CHST3: variants seen among roughly 807,000 people sequenced by gnomAD.
The protein encoded by CHST3 is C6ST-1.
Under a neutral mutation model 35.4 loss-of-function variants are expected in CHST3, and 20 were observed. That is an observed-to-expected ratio of 0.57 (90% CI 0.40 to 0.82). The LOEUF is 0.82. Among genes scored for constraint, CHST3 ranks in the 40% least tolerant of loss-of-function variants. The probability of loss-of-function intolerance (pLI) is 0.00; values close to 1 mark genes in which losing one functional copy is unlikely to be tolerated. For missense variants in CHST3, 693 were observed against 670.1 expected (o/e 1.03, Z -0.38); for synonymous variants, 334 against 295.9 (o/e 1.13, Z -1.32).
chr10:71,969,421 G>A (rs1323781838), intron 1 of CHST3, among the ~76,000 whole-genome samples: 1 of 152,216 alleles, frequency 6.6e-6, no homozygotes, highest in Non-Finnish European at 1.5e-5. Context: ...TGCTGGGGCA[G>A]GGTCCTCACT....
At chr10:71,992,337 C>A (rs1205818988) in intron 1 of CHST3, among the ~76,000 whole-genome samples, 1 of 152,080 alleles carries the variant, frequency 6.6e-6, no homozygotes, top group Non-Finnish European at 1.5e-5. Flanking sequence ...GTCACCACAC[C>A]CAGCCTATGT....
chr10:71,979,935 G>A (rs1839784780), intron 1 of CHST3, among the ~76,000 whole-genome samples: 2 of 152,138 alleles, frequency 1.3e-5, no homozygotes, highest in African/African-American at 4.8e-5. Flanking sequence ...ATAAGCACAG[G>A]GAAAATGCAC....
At position 71,988,157 on chromosome 10, in the gene CHST3, C is replaced by T. The variant is rs145208845; in HGVS notation, c.-107-17579C>T. On this transcript the variant is annotated intron_variant, in intron 1 of 2. Coordinates refer to ENST00000373115, the MANE Select transcript of CHST3 (RefSeq NM_004273.5). Reference sequence around the variant, plus strand: ...CTCCAAACCCCACAAATGAGCACAGCGTTTTGTAATAATGAGCATGACCAA... The same window carrying T: ...CTCCAAACCCCACAAATGAGCACAGTGTTTTGTAATAATGAGCATGACCAA... Among the ~76,000 whole-genome samples the T allele has an allele frequency of 3.7e-3, 568 of 152,182 alleles. 2 individuals carry two copies. The highest frequency in any genetic ancestry group is 0.013 in the African/African-American group (526 of 41,498).
At chr10:71,991,802 C>T (rs1475032906) in intron 1 of CHST3, among the ~76,000 whole-genome samples, 2 of 151,994 alleles carry the variant, frequency 1.3e-5, no homozygotes, top group Non-Finnish European at 2.9e-5. Context: ...GGCATGGTGG[C>T]AGGCACCTGT....
In CHST3 at chr10:71,976,559, C is replaced by T. The variant is rs149377213; in HGVS notation, c.-108+11865C>T. 2.7e-3 allele frequency among the ~76,000 whole-genome samples: 409 copies of T among 152,310 alleles called. 2 individuals are homozygous for T. Among genetic ancestry groups the T allele is most frequent in the African/African-American group, 9.4e-3 (392 of 41,554 alleles). On this transcript the variant is annotated intron_variant, in intron 1 of 2. Coordinates refer to ENST00000373115, the MANE Select transcript of CHST3 (RefSeq NM_004273.5). ...TTCAGGGGTGGCCATTCCTCCCCTC[C>T]AGGAGAGAGAGAACTCAAACCAGTA...
chr10:71,998,630 G>A (rs992943177), intron 1 of CHST3, among the ~76,000 whole-genome samples: 23 of 152,180 alleles, frequency 1.5e-4, no homozygotes, highest in African/African-American at 5.3e-4. Flanking sequence ...CCTGGCTAGG[G>A]CTGGCTCAGA....
intron 1 of CHST3, among the ~76,000 whole-genome samples, chr10:71,973,073 C>G (rs1839711131): frequency 6.6e-6 from 1 of 152,220 alleles, no homozygotes; most frequent in African/African-American, 2.4e-5. Flanking sequence ...GCACAGAGCC[C>G]TCAGTGGGGC....
intron 1 of CHST3, among the ~76,000 whole-genome samples, chr10:71,984,423 ACT>A (rs1484505344): frequency 2.6e-5 from 4 of 152,042 alleles, no homozygotes; most frequent in Non-Finnish European, 4.4e-5. Flanking sequence ...GTTTTGTCTA[ACT>A]CTGTGTTCAA....
intron 1 of CHST3, among the ~76,000 whole-genome samples, chr10:71,983,714 G>A (rs1265148370): frequency 6.6e-6 from 1 of 152,152 alleles, no homozygotes; most frequent in Non-Finnish European, 1.5e-5. Context: ...GCCTCCCAAA[G>A]TGCTGGGATT....
chr10:71,971,132 T>A (rs1589496188), intron 1 of CHST3, among the ~76,000 whole-genome samples: 1 of 151,960 alleles, frequency 6.6e-6, no homozygotes, highest in Non-Finnish European at 1.5e-5. Flanking sequence ...CAGCGGAGGG[T>A]CCTCACCTTG....
chr10:71,977,320 A>G lies in CHST3; in HGVS notation c.-108+12626A>G, dbSNP rs557898014. On this transcript the variant is annotated intron_variant, in intron 1 of 2. Transcript: ENST00000373115. ...CTGGCCTCCCAGCTGCCCCTTCAAC[A>G]TTGTCCCCTCTTGTCTTGCAGGGCA... 8.5e-5 allele frequency among the ~76,000 whole-genome samples: 13 copies of G among 152,114 alleles called. No homozygotes were observed. In the East Asian group the frequency reaches 2.3e-3, roughly 27 times the overall value.
At position 72,013,344 on chromosome 10, in the gene CHST3, C is replaced by T. The variant is rs1029794928; in HGVS notation, c.*4873C>T. 28 of 152,236 alleles carry T rather than the reference C, an allele frequency of 1.8e-4. No individual in the cohort carries two copies. The highest frequency in any genetic ancestry group is 6.5e-4 in the African/African-American group (27 of 41,458). The allele number at this position is 152,236 out of a possible 1,614,324, so 9.4% of individuals were successfully genotyped here. ...TTCTGCTCAGCCTCTGGCGCCGTTC[C>T]ACATTGCTCCCAGCCCCATTGCTGT... On this transcript the variant is annotated 3_prime_UTR_variant, in exon 3 of 3. Coordinates refer to ENST00000373115, the MANE Select transcript of CHST3 (RefSeq NM_004273.5).
Position 71,985,865 on chromosome 10 carries a change from C to T in CHST3, c.-107-19871C>T, listed in dbSNP as rs1057505042. Among the ~76,000 whole-genome samples the T allele has an allele frequency of 2.0e-5, 3 of 152,144 alleles. No homozygotes were observed. In the South Asian group the frequency reaches 6.2e-4, roughly 32 times the overall value. On this transcript the variant is annotated intron_variant, in intron 1 of 2. Transcript: ENST00000373115. ...CCTGTGGTGCCCTTTTATAACTACA[C>T]TCACTTCCCTCCTGCCCCCACCCCT...
At chr10:71,986,715 TG>T (rs57818682) in intron 1 of CHST3, among the ~76,000 whole-genome samples, 152,249 of 152,280 alleles carry the variant, frequency 1, 76,109 homozygotes, top group Middle Eastern at 1. Context: ...AGAGATCGCC[TG>T]GGGCTGGTTC....
rs1375239350 is a variant in CHST3 at position 71,971,523 on chromosome 10, T to G, written c.-108+6829T>G. Reference sequence around the variant, plus strand: ...CCCCAGCCCACACAGCTACCTGAGATTTAGCCCTGGGCATCTCCCCTACCC... The same window carrying G: ...CCCCAGCCCACACAGCTACCTGAGAGTTAGCCCTGGGCATCTCCCCTACCC... On this transcript the variant is annotated intron_variant, in intron 1 of 2. Transcript: ENST00000373115. Among the ~76,000 whole-genome samples, 4 of 152,276 alleles carry G rather than the reference T, an allele frequency of 2.6e-5. No homozygotes were observed. The East Asian group carries it at 7.7e-4, about 29-fold the overall frequency.
intron 1 of CHST3, among the ~76,000 whole-genome samples, chr10:71,971,748 G>A (rs546950645): frequency 1.4e-4 from 22 of 152,336 alleles, no homozygotes; most frequent in African/African-American, 5.1e-4. Flanking sequence ...GGGCAGGGCC[G>A]CAGGTGCCTG....
At chr10:71,967,049 G>C (rs1230269541) in intron 1 of CHST3, among the ~76,000 whole-genome samples, 1 of 152,170 alleles carries the variant, frequency 6.6e-6, no homozygotes, top group East Asian at 1.9e-4. Flanking sequence ...GCTCAGGCAG[G>C]AGTGCAGTGG....
At position 72,005,820 on chromosome 10, in the gene CHST3, C is replaced by T. The variant is rs751123835; in HGVS notation, c.-23C>T. The T allele has an allele frequency of 2.5e-6, 4 of 1,614,034 alleles. No individual in the cohort carries two copies. The highest frequency in any genetic ancestry group is 2.2e-5 in the East Asian group (1 of 44,884). On this transcript the variant is annotated 5_prime_UTR_variant, in exon 2 of 3. Coordinates refer to ENST00000373115, the MANE Select transcript of CHST3 (RefSeq NM_004273.5). The stretch of plus-strand genomic sequence containing the variant: ...GAGTGTCCAAGGCTGGCCCGAGGAG[C>T]CCCCACGGCCCCACCTTTCCCCATG...
intron 1 of CHST3, among the ~76,000 whole-genome samples, chr10:71,986,219 A>G (rs544551484): frequency 6.6e-6 from 1 of 152,306 alleles, no homozygotes; most frequent in African/African-American, 2.4e-5. Flanking sequence ...GCGCCAGGGT[A>G]GTGAAGTTGG....
Sources: gnomAD v4.1 joint callset for allele counts (sites outside exome capture counted in the v4.1 genomes callset) on GRCh38, gnomAD v4.1.1 for gene constraint, MANE v1.5 for transcripts, NCBI Gene and HGNC (gene_info 2026-07-23, HGNC 2026-07-21) for gene names.